TMPO: variants seen among roughly 807,000 people sequenced by gnomAD.
The protein encoded by TMPO is LEM domain containing 4.
TMPO carries 22 observed loss-of-function variants against 45.4 expected under a neutral mutation model. The observed-to-expected ratio is 0.48, with a 90% CI of 0.35 to 0.69. The LOEUF (loss-of-function observed/expected upper bound fraction) is 0.69. Ranked by LOEUF, TMPO falls within the 30% of genes least tolerant of loss-of-function variation. The probability of loss-of-function intolerance (pLI) is 0.01; values close to 1 mark genes in which losing one functional copy is unlikely to be tolerated. For synonymous variants in TMPO, 241 were observed against 204.1 expected (o/e 1.18, Z -1.54); for missense variants, 512 against 548.8 (o/e 0.93, Z 0.67).
chr12:98,545,193 A>T, intron 7 of TMPO, 132 bp downstream of exon 7: 3 of 664,262 alleles, frequency 4.5e-6, no homozygotes, highest in Non-Finnish European at 2.6e-6. Context: ...GTGTGTGTAA[A>T]TATGCATAAA....
chr12:98,531,343 TC>T (rs2121193307), intron 2 of TMPO, among the ~76,000 whole-genome samples: 1 of 151,322 alleles, frequency 6.6e-6, no homozygotes, highest in South Asian at 2.1e-4. Context: ...TTCAAGTGAT[TC>T]TCCTGTCTCA....
intron 2 of TMPO, 48 bp downstream of exon 2, chr12:98,528,060 C>T: frequency 6.2e-7 from 1 of 1,609,772 alleles, no homozygotes; most frequent in Non-Finnish European, 8.5e-7. Context: ...TGAAGCAGGA[C>T]CCCAAATTAT....
intron 1 of TMPO, among the ~76,000 whole-genome samples, chr12:98,519,697 G>T (rs1260155444): frequency 6.6e-6 from 1 of 152,142 alleles, no homozygotes; most frequent in Non-Finnish European, 1.5e-5. Flanking sequence ...ACAACTTGAA[G>T]AAAAATATTG....
chr12:98,534,254 A>AT (rs1565812330), intron 3 of TMPO: 1 of 1,613,848 alleles, frequency 6.2e-7, no homozygotes, highest in East Asian at 2.2e-5. Flanking sequence ...GCTTCTAAGA[A>AT]TAAGCTGGCT....
intron 1 of TMPO, among the ~76,000 whole-genome samples, chr12:98,526,540 C>A (rs67794415): frequency 0.07 from 10,669 of 151,768 alleles, 578 homozygotes; most frequent in East Asian, 0.23. Flanking sequence ...TCTTTTTTTT[C>A]CCCAAGTATT....
In TMPO at chr12:98,516,395, G is replaced by T. The variant is rs540163952; in HGVS notation, c.279+249G>T. The T allele has an allele frequency of 2.3e-4, 278 of 1,194,304 alleles. 6 individuals are homozygous for T. In the South Asian group the frequency reaches 5.7e-3, roughly 24 times the overall value. 74.0% of individuals were successfully genotyped at this position (1,194,304 alleles called of 1,614,324 possible). On this transcript the variant is annotated intron_variant, in intron 1 of 8. Transcript: ENST00000556029. Reference sequence around the variant, plus strand: ...TGGGAGGTGTGGAGTTGCGTTGGCGGCGGTTGTTTTGCACGCAGTCGACGC... The same window carrying T: ...TGGGAGGTGTGGAGTTGCGTTGGCGTCGGTTGTTTTGCACGCAGTCGACGC...
At chr12:98,527,661 A>C in intron 1 of TMPO, 6 of 514,654 alleles carry the variant, frequency 1.2e-5, no homozygotes, top group African/African-American at 1.9e-5. Context: ...TTTTAACAAC[A>C]ATGTCTTTAA....
Position 98,515,919 on chromosome 12 carries a change from A to T in TMPO, c.52A>T (p.Ser18Cys), listed in dbSNP as rs2121093002. 2 of 1,613,684 alleles carry T rather than the reference A, an allele frequency of 1.2e-6. No individual in the cohort carries two copies. Among genetic ancestry groups the T allele is most frequent in the South Asian group, 2.2e-5 (2 of 91,072 alleles). Residue 18 changes from serine (S) to cysteine (C), a missense_variant, in exon 1 of 9, where the codon AGT (serine) becomes TGT (cysteine). Transcript: ENST00000556029. Reference protein sequence around the residue: ...PSVLTKDKLKSELVANNVTLP... With the variant: ...PSVLTKDKLKCELVANNVTLP... Reference sequence around the variant, plus strand: ...GGTCCTGACAAAAGACAAGTTGAAGAGTGAGTTGGTCGCCAACAATGTGAC... The same window carrying T: ...GGTCCTGACAAAAGACAAGTTGAAGTGTGAGTTGGTCGCCAACAATGTGAC...
At chr12:98,527,542 AG>A in intron 1 of TMPO, 1 of 215,318 alleles carries the variant, frequency 4.6e-6, no homozygotes, top group Non-Finnish European at 9.3e-6. Context: ...AAAAAAAAAA[AG>A]GTTATTTAAA....
chr12:98,544,622 A>T, intron 6 of TMPO, 85 bp downstream of exon 6: 1 of 1,135,284 alleles, frequency 8.8e-7, no homozygotes, highest in Non-Finnish European at 1.3e-6. Flanking sequence ...AATTTTGGCA[A>T]ATCTCAAATT....
At chr12:98,518,495 G>A (rs1308961750) in intron 1 of TMPO, among the ~76,000 whole-genome samples, 1 of 29,692 alleles carries the variant, frequency 3.4e-5, no homozygotes, top group Non-Finnish European at 6.5e-5. Context: ...TTTTTTTTTT[G>A]GTACACAGGC....
chr12:98,535,156 C>T (rs1877493188), intron 3 of TMPO: 1 of 985,048 alleles, frequency 1.0e-6, no homozygotes, highest in Non-Finnish European at 1.2e-6. Flanking sequence ...TGGGATAGTG[C>T]ATGTTCACCA....
intron 1 of TMPO, among the ~76,000 whole-genome samples, chr12:98,519,593 A>C (rs1046802168): frequency 6.6e-6 from 1 of 151,772 alleles, no homozygotes; most frequent in Non-Finnish European, 1.5e-5. Flanking sequence ...TATAAAGAAA[A>C]CTTACTTCAT....
rs1373813435 is a variant in TMPO, at chr12:98,549,998, A to C, written c.*2140A>C. 1 of 152,148 alleles carries C rather than the reference A, an allele frequency of 6.6e-6. No homozygotes were observed. Among genetic ancestry groups the C allele is most frequent in the African/African-American group, 2.4e-5 (1 of 41,428 alleles). 9.4% of individuals were successfully genotyped at this position (152,148 alleles called of 1,614,324 possible). A position where few individuals can be genotyped will look rare whatever the true frequency, so the allele number is the denominator to read the frequency against. The stretch of plus-strand genomic sequence containing the variant: ...TTTGTTTTGAAACTTTGTTTCCCAT[A>C]CTGTTTTCAGCCTTTTGTTTATAAT... On this transcript the variant is annotated 3_prime_UTR_variant, in exon 9 of 9. Coordinates refer to ENST00000556029, the MANE Select transcript of TMPO (RefSeq NM_001032283.3).
intron 1 of TMPO, among the ~76,000 whole-genome samples, chr12:98,517,792 T>C (rs749811884): frequency 3.3e-5 from 5 of 152,272 alleles, no homozygotes; most frequent in Non-Finnish European, 7.3e-5. Context: ...AAATTTACTT[T>C]TGAAATAAAA....
Position 98,548,153 on chromosome 12 carries a change from GTA to G in TMPO, c.*299_*300del, listed in dbSNP as rs1878336464. Reference sequence around the variant, plus strand: ...CATCTTATTTCATTTTTGAAAAAATGTATATGTTTTTTGTGTATTTGGGAAAC... The same window carrying G: ...CATCTTATTTCATTTTTGAAAAAATGTATGTTTTTTGTGTATTTGGGAAAC... On this transcript the variant is annotated 3_prime_UTR_variant, in exon 9 of 9. Coordinates refer to ENST00000556029, the MANE Select transcript of TMPO (RefSeq NM_001032283.3). 7.2e-6 allele frequency: 2 copies of G among 278,296 alleles called. No homozygotes were observed. The highest frequency in any genetic ancestry group is 4.9e-5 in the Admixed American group (1 of 20,384). The allele number at this position is 278,296 out of a possible 1,614,324, so 17.2% of individuals were successfully genotyped here. A position where few individuals can be genotyped will look rare whatever the true frequency, so the allele number is the denominator to read the frequency against.
At chr12:98,535,411 G>T (rs575977945) in intron 3 of TMPO, 1 of 985,316 alleles carries the variant, frequency 1.0e-6, no homozygotes, top group South Asian at 4.7e-5. Flanking sequence ...GAAAGTAGTA[G>T]CCTTAAGCAT....
At chr12:98,521,235 T>A (rs1009011025) in intron 1 of TMPO, among the ~76,000 whole-genome samples, 4 of 150,030 alleles carry the variant, frequency 2.7e-5, no homozygotes, top group African/African-American at 9.8e-5. Context: ...AGCCTCCCGA[T>A]TAGCTGGGGC....
chr12:98,534,227 A>G, intron 3 of TMPO: 1 of 1,613,954 alleles, frequency 6.2e-7, no homozygotes. Flanking sequence ...TGGCTGAAGG[A>G]TTGCAAAATT....
Sources: gnomAD v4.1 joint callset for allele counts (sites outside exome capture counted in the v4.1 genomes callset) on GRCh38, gnomAD v4.1.1 for gene constraint, MANE v1.5 for transcripts, NCBI Gene and HGNC (gene_info 2026-07-23, HGNC 2026-07-21) for gene names.